TSPAN7: variants seen among roughly 807,000 people sequenced by gnomAD.
The protein encoded by TSPAN7 is tetraspanin-7.
In TSPAN7, 1 loss-of-function variant was observed where a neutral mutation model predicts 17.6. The ratio of observed to expected loss-of-function variants is 0.06; its 90% CI spans 0.02 to 0.27. The LOEUF is 0.27. TSPAN7 is among the 10% of genes least tolerant of loss of function. TSPAN7 has a pLI of 1.00. For synonymous variants in TSPAN7, 78 were observed against 79.0 expected (o/e 0.99, Z 0.07); for missense variants, 112 against 201.7 (o/e 0.56, Z 2.69).
chrX:38,608,980 T>G (rs1208290236), intron 1 of TSPAN7, among the ~76,000 whole-genome samples: 2 of 112,086 alleles, frequency 1.8e-5, no homozygotes, highest in African/African-American at 6.5e-5. Context: ...AGCAATGTTA[T>G]GATGACCTTT....
intron 1 of TSPAN7, among the ~76,000 whole-genome samples, chrX:38,571,737 G>A (rs886716131): frequency 9.4e-6 from 1 of 106,864 alleles, no homozygotes; most frequent in African/African-American, 3.6e-5. Flanking sequence ...ACCTGGGTGT[G>A]TGAGTTAAAA....
chrX:38,642,282 G>A (rs917857516), intron 1 of TSPAN7, among the ~76,000 whole-genome samples: 1 of 111,737 alleles, frequency 8.9e-6, no homozygotes, highest in African/African-American at 3.3e-5. Context: ...ACAAAATGAT[G>A]TTGAATAAGG....
At chrX:38,650,441 AGT>A (rs2069669690) in intron 1 of TSPAN7, among the ~76,000 whole-genome samples, 1 of 110,747 alleles carries the variant, frequency 9.0e-6, no homozygotes, top group Non-Finnish European at 1.9e-5. Context: ...AGTCACTCAC[AGT>A]GTGTGCCAGG....
chrX:38,683,024 A>C (rs2069902186), intron 6 of TSPAN7, among the ~76,000 whole-genome samples: 1 of 111,531 alleles, frequency 9.0e-6, no homozygotes, highest in South Asian at 3.8e-4. Context: ...AGGAAAAAAA[A>C]ATATTGCTGA....
chrX:38,646,295 G>T (rs757046896), intron 1 of TSPAN7: 673 of 1,153,388 alleles, frequency 5.8e-4, no homozygotes, highest in Middle Eastern at 1.2e-3. Flanking sequence ...TGGCAGACAG[G>T]ATGTGGCTAT....
At chrX:38,595,012 A>C (rs1481675297) in intron 1 of TSPAN7, among the ~76,000 whole-genome samples, 1 of 111,332 alleles carries the variant, frequency 9.0e-6, no homozygotes, top group Admixed American at 9.6e-5. Flanking sequence ...ATCATAGTTA[A>C]CCATTCTCCT....
At chrX:38,593,474 A>C (rs1315404534) in intron 1 of TSPAN7, among the ~76,000 whole-genome samples, 1 of 111,546 alleles carries the variant, frequency 9.0e-6, no homozygotes, top group African/African-American at 3.3e-5. Flanking sequence ...GAGTGTAATA[A>C]CTGTGCAAAC....
At chrX:38,682,009 T>C (rs1332905131) in intron 6 of TSPAN7, among the ~76,000 whole-genome samples, 1 of 111,677 alleles carries the variant, frequency 9.0e-6, no homozygotes, top group Non-Finnish European at 1.9e-5. Flanking sequence ...CTCAGACAAA[T>C]GATACATCCT....
chrX:38,587,303 A>C (rs1270025875), intron 1 of TSPAN7, among the ~76,000 whole-genome samples: 2 of 112,229 alleles, frequency 1.8e-5, no homozygotes, highest in African/African-American at 3.2e-5. Flanking sequence ...GTGAATTATC[A>C]GTTCACATTT....
intron 1 of TSPAN7, among the ~76,000 whole-genome samples, chrX:38,646,603 A>G (rs1226148415): frequency 1.8e-5 from 2 of 112,265 alleles, no homozygotes; most frequent in Non-Finnish European, 1.9e-5. Flanking sequence ...TTTTATGCTT[A>G]CCAAAAGTTG....
At chrX:38,645,471 C>A (rs752365853) in intron 1 of TSPAN7, among the ~76,000 whole-genome samples, 5 of 111,277 alleles carry the variant, frequency 4.5e-5, no homozygotes, top group Non-Finnish European at 9.4e-5. Context: ...GGGAAGATGG[C>A]GAGCTCAAGC....
chrX:38,676,001 G>GGCAATCAA, intron 5 of TSPAN7, 141 bp downstream of exon 5: 1 of 767,510 alleles, frequency 1.3e-6, no homozygotes, highest in Non-Finnish European at 1.9e-6. Context: ...TTGATTGCCT[G>GGCAATCAA]GGAGAGGCAC....
intron 1 of TSPAN7, among the ~76,000 whole-genome samples, chrX:38,580,562 A>G (rs1341383537): frequency 8.9e-6 from 1 of 111,913 alleles, no homozygotes; most frequent in Non-Finnish European, 1.9e-5. Flanking sequence ...TGTCAGCAAC[A>G]AAGGAGTAAC....
intron 1 of TSPAN7, among the ~76,000 whole-genome samples, chrX:38,646,019 G>A (rs1239493553): frequency 9.0e-6 from 1 of 111,388 alleles, no homozygotes; most frequent in Non-Finnish European, 1.9e-5. Flanking sequence ...CACAATTTAT[G>A]TTTAAGTTAA....
At chrX:38,673,464 T>C (rs2069835131) in intron 3 of TSPAN7, among the ~76,000 whole-genome samples, 1 of 106,049 alleles carries the variant, frequency 9.4e-6, no homozygotes, top group African/African-American at 3.5e-5. Context: ...GCCTCCTGGG[T>C]TCAAGCGATT....
chrX:38,570,636 T>C (rs2069164653), intron 1 of TSPAN7: 1 of 112,250 alleles, frequency 8.9e-6, no homozygotes, highest in Non-Finnish European at 1.9e-5. Flanking sequence ...AGATGACTAA[T>C]GCACTGCTAA....
At chrX:38,613,959 C>G (rs1224172838) in intron 1 of TSPAN7, among the ~76,000 whole-genome samples, 1 of 108,065 alleles carries the variant, frequency 9.3e-6, no homozygotes, top group Non-Finnish European at 1.9e-5. Flanking sequence ...GCTTTGGTCA[C>G]TGCTGGTTTG....
chrX:38,677,771 T>G (rs2069863980), intron 5 of TSPAN7, among the ~76,000 whole-genome samples: 1 of 112,602 alleles, frequency 8.9e-6, no homozygotes, highest in South Asian at 3.7e-4. Context: ...CACCTGAACT[T>G]ATGAGACAAA....
chrX:38,648,636 G>A (rs964156505), intron 1 of TSPAN7, among the ~76,000 whole-genome samples: 12 of 111,381 alleles, frequency 1.1e-4, no homozygotes, highest in South Asian at 3.8e-4. Flanking sequence ...TTTTGTCATC[G>A]TGACAGGGTC....
Sources: allele counts gnomAD v4.1 joint callset (sites outside exome capture counted in the v4.1 genomes callset), GRCh38; gene constraint gnomAD v4.1.1; transcripts MANE v1.5; gene names NCBI Gene and HGNC (gene_info 2026-07-23, HGNC 2026-07-21).